The following RNFT2 variants were observed in gnomAD, a reference collection of about 807,000 sequenced individuals.
RNFT2 encodes the protein ring finger protein, transmembrane 2.
A neutral mutation model predicts 53.0 loss-of-function variants in RNFT2; 36 were observed. The observed-to-expected ratio is 0.68, with a 90% confidence interval of 0.52 to 0.90. The LOEUF is 0.90. Among genes scored for constraint, RNFT2 ranks in the 40% least tolerant of loss-of-function variants. The pLI, the probability that RNFT2 is intolerant of heterozygous loss-of-function variation, is 0.00. For synonymous variants in RNFT2, 260 were observed against 253.2 expected (o/e 1.03, Z -0.26); for missense variants, 514 against 585.6 (o/e 0.88, Z 1.26).
At chr12:116,749,017 G>C (rs183771295) in intron 3 of RNFT2, among the ~76,000 whole-genome samples, 2 of 152,256 alleles carry the variant, frequency 1.3e-5, no homozygotes, top group Admixed American at 1.3e-4. Context: ...ACACGTAGTA[G>C]GTTTCAATAA....
chr12:116,796,203 C>T (rs1446515420), intron 7 of RNFT2, among the ~76,000 whole-genome samples: 1 of 151,680 alleles, frequency 6.6e-6, no homozygotes, highest in African/African-American at 2.4e-5. Flanking sequence ...GCCACCATGC[C>T]CAGCCTCTCC....
intron 2 of RNFT2, chr12:116,740,730 C>T: frequency 1.6e-6 from 1 of 640,798 alleles, no homozygotes; most frequent in South Asian, 1.8e-5. Flanking sequence ...CCGCTGCCCA[C>T]TTCACTTCAT....
intron 5 of RNFT2, among the ~76,000 whole-genome samples, chr12:116,756,417 G>A (rs2137083670): frequency 6.6e-6 from 1 of 152,090 alleles, no homozygotes; most frequent in East Asian, 1.9e-4. Context: ...ACTGACTTCT[G>A]TACATTAATC....
rs1401659391 is a variant in RNFT2, at chr12:116,750,062, G to A, written c.305G>A (p.Gly102Asp). 2 of 1,545,544 alleles carry A rather than the reference G, an allele frequency of 1.3e-6. No homozygotes were observed. Among genetic ancestry groups the A allele is most frequent in the African/African-American group, 1.4e-5 (1 of 73,326 alleles). The change falls in exon 4 of 11, where the codon GGC (glycine) becomes GAC (aspartate). Residue 102 changes from glycine to aspartate, a missense_variant. Physicochemically the swap from Gly to Asp is moderately conservative, Grantham distance 94. Coordinates refer to ENST00000257575, the MANE Select transcript of RNFT2 (RefSeq NM_001382266.1). Reference protein sequence around the residue: ...PASREEGGGRGEGGAYHHRQP... With the variant: ...PASREEGGGRDEGGAYHHRQP... ...TCCAGGGAGGAAGGAGGGGGCCGGG[G>A]CGAGGGGGGCGCCTACCACCACCGC...
intron 7 of RNFT2, among the ~76,000 whole-genome samples, chr12:116,798,613 G>A (rs775240352): frequency 5.9e-5 from 9 of 152,104 alleles, no homozygotes; most frequent in Non-Finnish European, 5.9e-5. Context: ...CTGTCACCCA[G>A]GTTGGAGTGC....
intron 7 of RNFT2, among the ~76,000 whole-genome samples, chr12:116,785,090 T>A (rs1592956740): frequency 6.6e-6 from 1 of 152,046 alleles, no homozygotes; most frequent in African/African-American, 2.4e-5. Context: ...CCTCTGTTTC[T>A]TCCCTCTGCC....
chr12:116,786,792 A>G (rs948496012), intron 7 of RNFT2, among the ~76,000 whole-genome samples: 2 of 152,216 alleles, frequency 1.3e-5, no homozygotes, highest in Non-Finnish European at 2.9e-5. Flanking sequence ...GCCAAAATCA[A>G]GGTGTCAGCG....
chr12:116,841,066 A>G (rs1260631188), intron 10 of RNFT2, among the ~76,000 whole-genome samples: 2 of 152,186 alleles, frequency 1.3e-5, no homozygotes, highest in African/African-American at 4.8e-5. Flanking sequence ...TGCTTTTAGT[A>G]TCAGTTATCA....
At chr12:116,842,572 G>A (rs111373994) in intron 10 of RNFT2, among the ~76,000 whole-genome samples, 6 of 92,988 alleles carry the variant, frequency 6.5e-5, no homozygotes, top group South Asian at 3.9e-4. Flanking sequence ...TTATTTATTT[G>A]TTTGTTTGTT....
intron 5 of RNFT2, among the ~76,000 whole-genome samples, chr12:116,765,125 C>T (rs1026074787): frequency 2.0e-5 from 3 of 152,154 alleles, no homozygotes; most frequent in Non-Finnish European, 2.9e-5. Flanking sequence ...GCTTAGGCGT[C>T]GCAGCTGATT....
intron 7 of RNFT2, among the ~76,000 whole-genome samples, chr12:116,807,932 T>C (rs1157049223): frequency 6.6e-6 from 1 of 152,030 alleles, no homozygotes; most frequent in Non-Finnish European, 1.5e-5. Context: ...GCCCCCTGAG[T>C]AGCTGGGACT....
Position 116,846,971 on chromosome 12 carries a change from C to T in RNFT2, c.1201-2343C>T, listed in dbSNP as rs545999310. 1.6e-4 allele frequency among the ~76,000 whole-genome samples: 23 copies of T among 147,072 alleles called. No individual in the cohort carries two copies. In the South Asian group the frequency reaches 2.6e-3, roughly 16 times the overall value. ...TTGCCCAGGCTGGAGTGCAGTGGCG[C>T]GATCTTGGCTCACTGCAACCTCTGC... On this transcript the variant is annotated intron_variant, in intron 10 of 10. Transcript: ENST00000257575.
rs369802544 is a variant in RNFT2, at chr12:116,841,894, A to T, written c.1200+5612A>T. Among the ~76,000 whole-genome samples the T allele has an allele frequency of 9.4e-5, 2 of 21,222 alleles. 1 individual carries two copies. The highest frequency in any genetic ancestry group is 8.0e-4 in the Admixed American group (2 of 2,496). 13.9% of individuals were successfully genotyped at this position (21,222 alleles called of 152,430 possible). On this transcript the variant is annotated intron_variant, in intron 10 of 10. Coordinates refer to ENST00000257575, the MANE Select transcript of RNFT2 (RefSeq NM_001382266.1). Reference sequence around the variant, plus strand: ...AAATATATATATAAATATATATAAAAATATATATATATAAATATATATATA... The same window carrying T: ...AAATATATATATAAATATATATAAATATATATATATATAAATATATATATA...
intron 3 of RNFT2, among the ~76,000 whole-genome samples, chr12:116,748,214 A>G (rs2137069506): frequency 6.6e-6 from 1 of 152,192 alleles, no homozygotes; most frequent in South Asian, 2.1e-4. Flanking sequence ...GAAAGAAAAG[A>G]GGATGAACCC....
At chr12:116,748,615 C>A in intron 3 of RNFT2, 1 of 436,836 alleles carries the variant, frequency 2.3e-6, no homozygotes, top group Non-Finnish European at 4.6e-6. Context: ...GTGGGCCTCC[C>A]AGCTAAGTCT....
At chr12:116,847,532 C>CTTTT (rs56687861) in intron 10 of RNFT2, among the ~76,000 whole-genome samples, 1 of 145,554 alleles carries the variant, frequency 6.9e-6, no homozygotes, top group Non-Finnish European at 1.5e-5. Context: ...CTCTCTCTCT[C>CTTTT]TTTTTTTTTT....
chr12:116,803,517 A>G (rs529972629), intron 7 of RNFT2, among the ~76,000 whole-genome samples: 1 of 152,238 alleles, frequency 6.6e-6, no homozygotes, highest in South Asian at 2.1e-4. Flanking sequence ...CCCCACTTAC[A>G]TCCACTGTAT....
chr12:116,790,556 GGGCA>G (rs1485565489), intron 7 of RNFT2, among the ~76,000 whole-genome samples: 2 of 152,220 alleles, frequency 1.3e-5, no homozygotes, highest in African/African-American at 2.4e-5. Flanking sequence ...CCTTTCACAT[GGGCA>G]GGCAGGGCTC....
intron 1 of RNFT2, 86 bp downstream of exon 1, chr12:116,738,456 CTG>C (rs1871425168): frequency 6.6e-6 from 1 of 152,124 alleles, no homozygotes; most frequent in South Asian, 2.1e-4. Context: ...GCGTTTTGCG[CTG>C]TGTGTTGGTT....
Sources: gnomAD v4.1 joint callset for allele counts (sites outside exome capture counted in the v4.1 genomes callset) on GRCh38, gnomAD v4.1.1 for gene constraint, MANE v1.5 for transcripts, NCBI Gene and HGNC (gene_info 2026-07-23, HGNC 2026-07-21) for gene names.